ZNF586: variants seen among roughly 807,000 people sequenced by gnomAD.
ZNF586 encodes zinc finger protein 586.
ZNF586 carries 7 observed loss-of-function variants against 6.7 expected under a neutral mutation model. The ratio of observed to expected loss-of-function variants is 1.04; its 90% CI spans 0.59 to 1.95. ZNF586 has a LOEUF of 1.95. Ranked by LOEUF, ZNF586 falls within the 30% of genes most tolerant of loss-of-function variation. The pLI, the probability that ZNF586 is intolerant of heterozygous loss-of-function variation, is 0.00. For synonymous variants in ZNF586, 166 were observed against 168.7 expected, an observed-to-expected ratio of 0.98 and a Z score of 0.12; for missense variants, 442 against 489.6, an observed-to-expected ratio of 0.90 and a Z score of 0.92.
Position 57,769,837 on chromosome 19 carries a change from A to G in ZNF586, c.-6A>G. On this transcript the variant is annotated 5_prime_UTR_variant, in exon 1 of 3. Coordinates refer to ENST00000396154, the MANE Select transcript of ZNF586 (RefSeq NM_017652.4). The stretch of plus-strand genomic sequence containing the variant: ...CCGAGCCCGCGTTCCCCCCCCGCCC[A>G]GAGTCATGGCGGCAGCAGCCGCTCT... 2 of 1,506,980 alleles carry G rather than the reference A, an allele frequency of 1.3e-6. No individual in the cohort carries two copies. The highest frequency in any genetic ancestry group is 2.6e-5 in the East Asian group (1 of 38,420). The allele number at this position is 1,506,980 out of a possible 1,614,324, so 93.4% of individuals were successfully genotyped here.
At position 57,778,828 on chromosome 19, in the gene ZNF586, G is replaced by A. The variant is rs769009678; in HGVS notation, c.241G>A (p.Gly81Ser). 6.2e-7 allele frequency: 1 copy of A among 1,614,014 alleles called. No individual in the cohort carries two copies. The highest frequency in any genetic ancestry group is 1.3e-5 in the African/African-American group (1 of 74,902). ...TCIHIYKDQG[G>S]HSGERPYECG... Reference sequence around the variant, plus strand: ...TATACATATATACAAAGACCAGGGAGGTCATAGTGGAGAAAGGCCTTATGA... The same window carrying A: ...TATACATATATACAAAGACCAGGGAAGTCATAGTGGAGAAAGGCCTTATGA... Residue 81 changes from glycine (G) to serine (S), a missense_variant, in exon 3 of 3, where the codon GGT (glycine) becomes AGT (serine). Gly to Ser is a moderately conservative substitution (Grantham distance 56). Transcript: ENST00000396154.
Position 57,769,813 on chromosome 19 carries a change from C to G in ZNF586, c.-30C>G, listed in dbSNP as rs1327923004. On this transcript the variant is annotated 5_prime_UTR_variant, in exon 1 of 3. Coordinates refer to ENST00000396154, the MANE Select transcript of ZNF586 (RefSeq NM_017652.4). ...GACAGGACAACGACAGGAACACCGCCGAGCCCGCGTTCCCCCCCCGCCCAG... is the reference window on the plus strand; with the variant it reads ...GACAGGACAACGACAGGAACACCGCGGAGCCCGCGTTCCCCCCCCGCCCAG... 15 of 1,537,732 alleles carry G rather than the reference C, an allele frequency of 9.8e-6. No homozygotes were observed. The highest frequency in any genetic ancestry group is 2.0e-5 in the Admixed American group (1 of 49,202).
intron 1 of ZNF586, among the ~76,000 whole-genome samples, chr19:57,772,300 GA>G (rs1223774262): frequency 6.6e-6 from 1 of 151,998 alleles, no homozygotes; most frequent in African/African-American, 2.4e-5. Flanking sequence ...ATTCTGCGTG[GA>G]AAAAAATACA....
rs1455227822 is a variant in ZNF586 at position 57,779,587 on chromosome 19, A to G, written c.1000A>G (p.Ile334Val). Residue 334 changes from isoleucine to valine, a missense_variant, in exon 3 of 3, where the codon ATA (isoleucine) becomes GTA (valine). Transcript: ENST00000396154. ...KSFSRKSSLI[I>V]HLRVHTGERP... ...CTTTAGCCGAAAATCTAGCCTTATT[A>G]TACATCTGAGAGTTCACACTGGAGA... 1.2e-6 allele frequency: 2 copies of G among 1,613,366 alleles called. No individual in the cohort carries two copies. Among genetic ancestry groups the G allele is most frequent in the South Asian group, 1.1e-5 (1 of 91,034 alleles).
Position 57,779,914 on chromosome 19 carries a change from A to G in ZNF586, c.*118A>G. The G allele has an allele frequency of 2.2e-6, 2 of 913,544 alleles. No individual in the cohort carries two copies. The highest frequency in any genetic ancestry group is 3.3e-6 in the Non-Finnish European group (2 of 613,938). The allele number at this position is 913,544 out of a possible 1,614,324, so 56.6% of individuals were successfully genotyped here. A position where few individuals can be genotyped will look rare whatever the true frequency, so the allele number is the denominator to read the frequency against. Reference sequence around the variant, plus strand: ...GGGAATATTCTTTAGCTAGAATGCTAGCTTCTTTACATAAAAGAGTGCTCC... The same window carrying G: ...GGGAATATTCTTTAGCTAGAATGCTGGCTTCTTTACATAAAAGAGTGCTCC... On this transcript the variant is annotated 3_prime_UTR_variant, in exon 3 of 3. Transcript: ENST00000396154.
In ZNF586 at chr19:57,778,827, AGGTCATAGT is replaced by A. The variant is rs747371498; in HGVS notation, c.243_251del (p.His82_Gly84del). 2 of 1,614,192 alleles carry A rather than the reference AGGTCATAGT, an allele frequency of 1.2e-6. No individual in the cohort carries two copies. The highest frequency in any genetic ancestry group is 1.7e-6 in the Non-Finnish European group (2 of 1,180,026). ...GTATACATATATACAAAGACCAGGG[AGGTCATAGT>A]GGAGAAAGGCCTTATGAGTGTGGGG... On this transcript the variant is annotated inframe_deletion, in exon 3 of 3. Coordinates refer to ENST00000396154, the MANE Select transcript of ZNF586 (RefSeq NM_017652.4).
At chr19:57,770,269 G>C (rs186854693) in intron 1 of ZNF586, among the ~76,000 whole-genome samples, 61 of 148,330 alleles carry the variant, frequency 4.1e-4, no homozygotes, top group African/African-American at 1.5e-3. Context: ...CGATTCTCCT[G>C]CCTCAGCCTC....
intron 1 of ZNF586, among the ~76,000 whole-genome samples, chr19:57,775,925 C>G (rs1159845050): frequency 1.3e-5 from 2 of 152,184 alleles, no homozygotes; most frequent in African/African-American, 4.8e-5. Context: ...CATAGTGCAA[C>G]CCCCATGTGG....
At chr19:57,774,826 T>C (rs1405598923) in intron 1 of ZNF586, 1 of 864,098 alleles carries the variant, frequency 1.2e-6, no homozygotes, top group Non-Finnish European at 1.4e-6. Flanking sequence ...GTCAGTATCA[T>C]GTGCTACCTT....
In ZNF586 at chr19:57,779,225, A is replaced by G; in HGVS notation, c.638A>G (p.Lys213Arg). 1 of 1,614,132 alleles carries G rather than the reference A, an allele frequency of 6.2e-7. No individual in the cohort carries two copies. The change falls in exon 3 of 3, where the codon AAG becomes AGG. Residue 213 changes from lysine to arginine, a missense_variant. Physicochemically the swap from Lys to Arg is conservative, Grantham distance 26 (BLOSUM62 2). Coordinates refer to ENST00000396154, the MANE Select transcript of ZNF586 (RefSeq NM_017652.4). ...AKRYECNECG[K>R]SFAYTSSLIK... ...CGTTATGAATGCAATGAATGTGGGAAGTCCTTTGCTTATACATCTAGTCTC... is the reference window on the plus strand; with the variant it reads ...CGTTATGAATGCAATGAATGTGGGAGGTCCTTTGCTTATACATCTAGTCTC...
At position 57,779,938 on chromosome 19, in the gene ZNF586, C is replaced by T. The variant is rs775034753; in HGVS notation, c.*142C>T. The T allele has an allele frequency of 1.1e-4, 81 of 741,836 alleles. No individual in the cohort carries two copies. The highest frequency in any genetic ancestry group is 2.2e-4 in the Admixed American group (7 of 31,540). 46.0% of individuals were successfully genotyped at this position (741,836 alleles called of 1,614,324 possible). A position where few individuals can be genotyped will look rare whatever the true frequency, so the allele number is the denominator to read the frequency against. ...TAGCTTCTTTACATAAAAGAGTGCT[C>T]CCACTGAAGAAGTGCCTTTTGAGTG... On this transcript the variant is annotated 3_prime_UTR_variant, in exon 3 of 3. Coordinates refer to ENST00000396154, the MANE Select transcript of ZNF586 (RefSeq NM_017652.4).
intron 2 of ZNF586, among the ~76,000 whole-genome samples, chr19:57,778,432 TG>T (rs537914967): frequency 4.6e-5 from 7 of 151,766 alleles, no homozygotes; most frequent in East Asian, 3.9e-4. Context: ...CTAGTCATGT[TG>T]GGGGGGGCCT....
At chr19:57,778,371 G>A (rs1206157108) in intron 2 of ZNF586, among the ~76,000 whole-genome samples, 2 of 152,140 alleles carry the variant, frequency 1.3e-5, no homozygotes, top group East Asian at 1.9e-4. Context: ...CACGGTTCTC[G>A]GCCACGTATA....
In ZNF586 at chr19:57,769,828, C is replaced by G. The variant is rs1568481777; in HGVS notation, c.-15C>G. The G allele has an allele frequency of 2.6e-6, 4 of 1,545,778 alleles. No individual in the cohort carries two copies. The East Asian group carries it at 7.4e-5, about 29-fold the overall frequency. Reference sequence around the variant, plus strand: ...GGAACACCGCCGAGCCCGCGTTCCCCCCCCGCCCAGAGTCATGGCGGCAGC... The same window carrying G: ...GGAACACCGCCGAGCCCGCGTTCCCGCCCCGCCCAGAGTCATGGCGGCAGC... On this transcript the variant is annotated 5_prime_UTR_variant, in exon 1 of 3. Coordinates refer to ENST00000396154, the MANE Select transcript of ZNF586 (RefSeq NM_017652.4).
At chr19:57,771,181 G>C (rs2122551066) in intron 1 of ZNF586, among the ~76,000 whole-genome samples, 1 of 151,918 alleles carries the variant, frequency 6.6e-6, no homozygotes, top group Middle Eastern at 3.4e-3. Context: ...CACACCTGTA[G>C]TCCCAACTAC....
At chr19:57,771,601 G>T (rs1216170059) in intron 1 of ZNF586, among the ~76,000 whole-genome samples, 2 of 152,086 alleles carry the variant, frequency 1.3e-5, no homozygotes, top group African/African-American at 2.4e-5. Context: ...CTGATACTGG[G>T]GTGTGCAAAT....
intron 1 of ZNF586, 47 bp downstream of exon 1, chr19:57,769,925 C>T (rs368703856): frequency 1.7e-4 from 247 of 1,440,330 alleles, no homozygotes; most frequent in Non-Finnish European, 2.1e-4. Context: ...CCACCCAGAC[C>T]CTGAGGCCCC....
chr19:57,770,386 A>G (rs1987066827), intron 1 of ZNF586, among the ~76,000 whole-genome samples: 1 of 152,002 alleles, frequency 6.6e-6, no homozygotes, highest in Admixed American at 6.5e-5. Flanking sequence ...CGGCCTCCCA[A>G]AGTGCTGGGA....
chr19:57,774,680 G>A (rs1486534913), intron 1 of ZNF586: 1 of 861,984 alleles, frequency 1.2e-6, no homozygotes, highest in Non-Finnish European at 1.4e-6. Context: ...ATGCATGGAG[G>A]GCGTCAGAAT....
Sources: allele counts gnomAD v4.1 joint callset (sites outside exome capture counted in the v4.1 genomes callset), GRCh38; gene constraint gnomAD v4.1.1; transcripts MANE v1.5; gene names NCBI Gene and HGNC (gene_info 2026-07-23, HGNC 2026-07-21).